The following CIPC variants were observed in gnomAD, a reference collection of about 807,000 sequenced individuals.
CIPC encodes the protein CLOCK-interacting pacemaker.
CIPC carries 12 observed loss-of-function variants against 26.7 expected under a neutral mutation model. The ratio of observed to expected loss-of-function variants is 0.45; its 90% CI spans 0.29 to 0.73. The LOEUF is 0.73. Among genes scored for constraint, CIPC ranks in the 30% least tolerant of loss-of-function variants. The pLI is 0.12. For synonymous variants in CIPC, 170 were observed against 189.8 expected (o/e 0.90, Z 0.86); for missense variants, 417 against 486.5 (o/e 0.86, Z 1.34).
chr14:77,103,427 C>G (rs1197482553), intron 1 of CIPC, among the ~76,000 whole-genome samples: 1 of 152,278 alleles, frequency 6.6e-6, no homozygotes, highest in Middle Eastern at 3.4e-3. Flanking sequence ...CAAAGAACAA[C>G]AGGATAGAGT....
At chr14:77,112,360 TAAAC>T (rs1035827809) in intron 3 of CIPC, among the ~76,000 whole-genome samples, 10 of 152,158 alleles carry the variant, frequency 6.6e-5, no homozygotes, top group African/African-American at 2.2e-4. Flanking sequence ...TGAGGAGTAA[TAAAC>T]AAAGGCAGTA....
intron 2 of CIPC, 54 bp downstream of exon 2, chr14:77,105,898 A>C: frequency 1.2e-6 from 2 of 1,601,716 alleles, no homozygotes; most frequent in Middle Eastern, 1.7e-4. Context: ...TTGCGTGAAA[A>C]ATTTCCTCCC....
intron 2 of CIPC, 42 bp from the exon 3 acceptor site, chr14:77,109,770 A>G (rs1886658393): frequency 1.3e-6 from 2 of 1,569,848 alleles, no homozygotes; most frequent in South Asian, 2.3e-5. Flanking sequence ...AAGAGCCCCT[A>G]GTCTAGAGCC....
chr14:77,101,959 G>A lies in CIPC; in HGVS notation c.-53+3598G>A, dbSNP rs751235533. Among the ~76,000 whole-genome samples, 10 of 152,058 alleles carry A rather than the reference G, an allele frequency of 6.6e-5. 1 individual carries two copies. Among genetic ancestry groups the A allele is most frequent in the South Asian group, 6.2e-4 (3 of 4,820 alleles). On this transcript the variant is annotated intron_variant, in intron 1 of 3. Transcript: ENST00000361786. ...AAATTAGCTGGGTGTGGTGGTATGCGCCTGGAGTCCCAGCTACTCAGGAGG... is the reference window on the plus strand; with the variant it reads ...AAATTAGCTGGGTGTGGTGGTATGCACCTGGAGTCCCAGCTACTCAGGAGG...
At chr14:77,109,685 A>G (rs1284132569) in intron 2 of CIPC, 127 bp from the exon 3 acceptor site, 1 of 777,258 alleles carries the variant, frequency 1.3e-6, no homozygotes, top group African/African-American at 1.7e-5. Flanking sequence ...CCTCCTTCTC[A>G]ATAAAATTCA....
chr14:77,114,339 T>G lies in CIPC; in HGVS notation c.*21T>G. On this transcript the variant is annotated 3_prime_UTR_variant, in exon 4 of 4. Coordinates refer to ENST00000361786, the MANE Select transcript of CIPC (RefSeq NM_033426.3). ...TATAGCACAGAGGCATATTTTCCTGTTACTTGAGTGGTTCTTTTAGCTCAT... is the reference window on the plus strand; with the variant it reads ...TATAGCACAGAGGCATATTTTCCTGGTACTTGAGTGGTTCTTTTAGCTCAT... The G allele has an allele frequency of 6.4e-7, 1 of 1,564,630 alleles. No individual in the cohort carries two copies. The highest frequency in any genetic ancestry group is 8.6e-7 in the Non-Finnish European group (1 of 1,158,982).
At chr14:77,100,244 T>TC (rs1352593814) in intron 1 of CIPC, among the ~76,000 whole-genome samples, 18 of 140,142 alleles carry the variant, frequency 1.3e-4, no homozygotes, top group African/African-American at 4.7e-4. Context: ...TTCTTTCTTT[T>TC]TTTTTTTTTT....
At position 77,114,338 on chromosome 14, in the gene CIPC, GTT is replaced by G; in HGVS notation, c.*21_*22del. The G allele has an allele frequency of 6.4e-7, 1 of 1,564,320 alleles. No individual in the cohort carries two copies. ...ATATAGCACAGAGGCATATTTTCCT[GTT>G]ACTTGAGTGGTTCTTTTAGCTCATT... On this transcript the variant is annotated 3_prime_UTR_variant, in exon 4 of 4. Coordinates refer to ENST00000361786, the MANE Select transcript of CIPC (RefSeq NM_033426.3).
intron 3 of CIPC, 85 bp downstream of exon 3, chr14:77,110,066 G>A: frequency 2.2e-6 from 3 of 1,354,480 alleles, no homozygotes; most frequent in Non-Finnish European, 3.1e-6. Context: ...TATATTCTCT[G>A]CCAAGGAGAG....
In CIPC at chr14:77,109,909, C is replaced by G; in HGVS notation, c.234C>G (p.Asn78Lys). 1 of 1,614,210 alleles carries G rather than the reference C, an allele frequency of 6.2e-7. No homozygotes were observed. The highest frequency in any genetic ancestry group is 8.5e-7 in the Non-Finnish European group (1 of 1,180,028). The change falls in exon 3 of 4, where the codon AAC becomes AAG. Residue 78 changes from asparagine to lysine, a missense_variant. Transcript: ENST00000361786. ...GWSREDRPRQNSKTAKNAFPT... is the reference protein window; with the variant it reads ...GWSREDRPRQKSKTAKNAFPT... ...GCAGAGAAGACAGGCCGAGGCAGAA[C>G]TCCAAAACTGCAAAGAATGCCTTCC...
chr14:77,113,787 CG>C lies in CIPC; in HGVS notation c.670del (p.Glu224ArgfsTer34). 1 of 1,613,790 alleles carries C rather than the reference CG, an allele frequency of 6.2e-7. No homozygotes were observed. ...CAGCACCACCCAGCGCCAAACTTGC[CG>C]AGGACTCAGCTCTGCAGGGTGTGCC... ...TPAPPSAKLA[E>X]DSALQGVPSL... On this transcript the variant is annotated frameshift_variant, in exon 4 of 4. Transcript: ENST00000361786. LOFTEE classifies it high-confidence loss of function.
chr14:77,113,896 G>GCTTCCC lies in CIPC; in HGVS notation c.780_785dup (p.Ser261_Pro262dup). 1 of 1,613,988 alleles carries GCTTCCC rather than the reference G, an allele frequency of 6.2e-7. No individual in the cohort carries two copies. Among genetic ancestry groups the GCTTCCC allele is most frequent in the Non-Finnish European group, 8.5e-7 (1 of 1,180,018 alleles). On this transcript the variant is annotated inframe_insertion, in exon 4 of 4. Transcript: ENST00000361786. ...GGCTAAAGCTCCCAGTCTGACCTTC[G>GCTTCCC]CTTCCCCCGCCAGTCCTGTCTGCGC...
intron 1 of CIPC, among the ~76,000 whole-genome samples, chr14:77,104,161 G>A (rs527616451): frequency 1.3e-5 from 2 of 152,264 alleles, no homozygotes; most frequent in South Asian, 2.1e-4. Context: ...AGCCCGTGGT[G>A]GAAGGATTGT....
chr14:77,110,769 A>G (rs772606610), intron 3 of CIPC, among the ~76,000 whole-genome samples: 1 of 152,230 alleles, frequency 6.6e-6, no homozygotes, highest in East Asian at 1.9e-4. Flanking sequence ...CTCTGAAAAT[A>G]TATCAGTTTT....
intron 2 of CIPC, 95 bp from the exon 3 acceptor site, chr14:77,109,717 G>A: frequency 9.1e-7 from 1 of 1,100,982 alleles, no homozygotes; most frequent in Non-Finnish European, 1.3e-6. Flanking sequence ...CACAAGTGTT[G>A]CATTCAATTT....
chr14:77,105,391 G>A (rs1316316108), intron 1 of CIPC, among the ~76,000 whole-genome samples: 3 of 152,164 alleles, frequency 2.0e-5, no homozygotes, highest in African/African-American at 4.8e-5. Context: ...ATGTGCCTTT[G>A]TTAGCAGTTT....
intron 1 of CIPC, among the ~76,000 whole-genome samples, chr14:77,101,489 C>T (rs184820386): frequency 7.2e-5 from 11 of 152,262 alleles, no homozygotes; most frequent in Admixed American, 2.0e-4. Context: ...ATCCTAAAGT[C>T]GATTTTACAT....
At chr14:77,109,775 A>G in intron 2 of CIPC, 37 bp from the exon 3 acceptor site, 1 of 1,584,964 alleles carries the variant, frequency 6.3e-7, no homozygotes, top group South Asian at 1.1e-5. Flanking sequence ...CCCCTAGTCT[A>G]GAGCCTGAGT....
In CIPC at chr14:77,113,860, A is replaced by C. The variant is rs756316841; in HGVS notation, c.742A>C (p.Ser248Arg). 1.2e-6 allele frequency: 2 copies of C among 1,614,166 alleles called. No individual in the cohort carries two copies. Among genetic ancestry groups the C allele is most frequent in the Non-Finnish European group, 1.7e-6 (2 of 1,180,034 alleles). Residue 248 changes from serine (S) to arginine (R), a missense_variant, in exon 4 of 4, where the codon AGC becomes CGC. Physicochemically the swap from Ser to Arg is moderately radical, Grantham distance 110 (BLOSUM62 -1). Transcript: ENST00000361786. The stretch of plus-strand genomic sequence containing the variant: ...TCCACAGACTCTTCAGCCGGTATCC[A>C]GCAGTCACGTGGCTAAAGCTCCCAG... Reference protein sequence around the residue: ...GSPQTLQPVSSSHVAKAPSLT... With the variant: ...GSPQTLQPVSRSHVAKAPSLT...
Sources: allele counts gnomAD v4.1 joint callset (sites outside exome capture counted in the v4.1 genomes callset), GRCh38; gene constraint gnomAD v4.1.1; transcripts MANE v1.5; gene names NCBI Gene and HGNC (gene_info 2026-07-23, HGNC 2026-07-21).